The following NT5DC1 variants were observed in gnomAD, a reference collection of about 807,000 sequenced individuals.
NT5DC1 encodes the protein 5'-nucleotidase domain containing 1, also known as 5'-nucleotidase domain-containing protein 1.
NT5DC1 carries 42 observed loss-of-function variants against 59.4 expected under a neutral mutation model. The observed-to-expected ratio is 0.71, with a 90% CI of 0.55 to 0.92. The LOEUF (loss-of-function observed/expected upper bound fraction) is 0.92. Ranked by LOEUF, NT5DC1 falls within the 40% of genes least tolerant of loss-of-function variation. The probability of loss-of-function intolerance (pLI) is 0.00; values close to 1 mark genes in which losing one functional copy is unlikely to be tolerated. For missense variants in NT5DC1, 501 were observed against 537.1 expected, an observed-to-expected ratio of 0.93 and a Z score of 0.66; for synonymous variants, 172 against 188.1, an observed-to-expected ratio of 0.91 and a Z score of 0.70.
intron 6 of NT5DC1, among the ~76,000 whole-genome samples, chr6:116,216,772 C>G (rs1158428824): frequency 1.3e-5 from 2 of 152,200 alleles, no homozygotes; most frequent in East Asian, 1.9e-4. Flanking sequence ...CTTTTATCCT[C>G]CAACAAATAT....
At chr6:116,178,102 C>CGTGTGT (rs869107614) in intron 6 of NT5DC1, among the ~76,000 whole-genome samples, 12 of 94,538 alleles carry the variant, frequency 1.3e-4, no homozygotes, top group African/African-American at 6.3e-4. Context: ...CGCGCGCGCG[C>CGTGTGT]GTGCGTGCGT....
At chr6:116,142,460 G>A (rs1020526894) in intron 6 of NT5DC1, among the ~76,000 whole-genome samples, 3 of 151,840 alleles carry the variant, frequency 2.0e-5, no homozygotes, top group Admixed American at 1.3e-4. Context: ...TTAAACTCAT[G>A]TTTCACTCCT....
chr6:116,217,623 A>C (rs545324016), intron 6 of NT5DC1, among the ~76,000 whole-genome samples: 1 of 152,212 alleles, frequency 6.6e-6, no homozygotes, highest in East Asian at 1.9e-4. Context: ...CATGAATAAT[A>C]TTATTTTTAT....
At chr6:116,201,631 ATTAT>A (rs1781348723) in intron 6 of NT5DC1, among the ~76,000 whole-genome samples, 1 of 151,960 alleles carries the variant, frequency 6.6e-6, no homozygotes, top group Non-Finnish European at 1.5e-5. Context: ...TGTGCTTACT[ATTAT>A]TTAGGCTTGT....
intron 6 of NT5DC1, among the ~76,000 whole-genome samples, chr6:116,178,057 G>GTGTT (rs1428000296): frequency 1.4e-5 from 1 of 71,740 alleles, no homozygotes; most frequent in Non-Finnish European, 2.5e-5. Flanking sequence ...AGGAAAGTGT[G>GTGTT]TGTGTGTGTG....
chr6:116,122,303 A>G (rs1378922474), intron 6 of NT5DC1, among the ~76,000 whole-genome samples: 1 of 152,186 alleles, frequency 6.6e-6, no homozygotes, highest in Admixed American at 6.5e-5. Context: ...AAAAGGCAGA[A>G]AAAGACAGTG....
chr6:116,172,416 G>C (rs1362535092), intron 6 of NT5DC1, among the ~76,000 whole-genome samples: 1 of 150,378 alleles, frequency 6.6e-6, no homozygotes, highest in Non-Finnish European at 1.5e-5. Context: ...CTACCTCCCG[G>C]GTTCAGGCAA....
At position 116,247,048 on chromosome 6, in the gene NT5DC1, G is replaced by A. The variant is rs1363010594; in HGVS notation, c.*3024G>A. 1 of 152,154 alleles carries A rather than the reference G, an allele frequency of 6.6e-6. No homozygotes were observed. Among genetic ancestry groups the A allele is most frequent in the African/African-American group, 2.4e-5 (1 of 41,446 alleles). The allele number at this position is 152,154 out of a possible 1,614,324, so 9.4% of individuals were successfully genotyped here. A position where few individuals can be genotyped will look rare whatever the true frequency, so the allele number is the denominator to read the frequency against. On this transcript the variant is annotated 3_prime_UTR_variant, in exon 12 of 12. Transcript: ENST00000319550. Reference sequence around the variant, plus strand: ...AGAGATTAAATACAATGCTTGCTCTGTGTTACACTGTTAGTAAGAGAGCAA... The same window carrying A: ...AGAGATTAAATACAATGCTTGCTCTATGTTACACTGTTAGTAAGAGAGCAA...
intron 3 of NT5DC1, 103 bp downstream of exon 3, chr6:116,108,538 A>C (rs1778809461): frequency 1.4e-6 from 1 of 699,612 alleles, no homozygotes. Flanking sequence ...TGATTATTTT[A>C]ATTAATCAGA....
At chr6:116,197,229 T>C (rs1781251842) in intron 6 of NT5DC1, among the ~76,000 whole-genome samples, 1 of 152,000 alleles carries the variant, frequency 6.6e-6, no homozygotes, top group Admixed American at 6.6e-5. Context: ...CTGCTTTGCC[T>C]GGTTAATGAT....
intron 6 of NT5DC1, among the ~76,000 whole-genome samples, chr6:116,163,141 A>AAAAAAAAAATATATATATATATAT (rs761718922): frequency 1.1e-5 from 1 of 88,408 alleles, no homozygotes; most frequent in African/African-American, 5.8e-5. Context: ...AAAAAAAAAA[A>AAAAAAAAAATATATATATATATAT]ATATATATAT....
chr6:116,203,117 G>A (rs1281896545), intron 6 of NT5DC1, among the ~76,000 whole-genome samples: 4 of 151,902 alleles, frequency 2.6e-5, no homozygotes, highest in Non-Finnish European at 5.9e-5. Flanking sequence ...GTCACTTAAT[G>A]CAAATTTGAA....
In NT5DC1 at chr6:116,248,570, C is replaced by G. The variant is rs1020354258; in HGVS notation, c.*4546C>G. On this transcript the variant is annotated 3_prime_UTR_variant, in exon 12 of 12. Coordinates refer to ENST00000319550, the MANE Select transcript of NT5DC1 (RefSeq NM_152729.3). ...GGGCCTGATGAGAAGGTCAGAGAAG[C>G]CTTTTATAAGTGTCTGGCTTGCACT... 3.3e-5 allele frequency: 5 copies of G among 152,274 alleles called. No homozygotes were observed. Among genetic ancestry groups the G allele is most frequent in the African/African-American group, 1.2e-4 (5 of 41,532 alleles). 9.4% of individuals were successfully genotyped at this position (152,274 alleles called of 1,614,324 possible).
intron 6 of NT5DC1, among the ~76,000 whole-genome samples, chr6:116,168,195 G>T: frequency 6.8e-6 from 1 of 148,148 alleles, no homozygotes; most frequent in South Asian, 2.1e-4. Context: ...ATATTGTTCT[G>T]CTCCTTTTCT....
intron 11 of NT5DC1, among the ~76,000 whole-genome samples, chr6:116,239,691 A>G (rs1782187058): frequency 6.6e-6 from 1 of 152,240 alleles, no homozygotes; most frequent in South Asian, 2.1e-4. Flanking sequence ...GAGATTTCAG[A>G]TTATTAGTGC....
At chr6:116,230,902 G>A (rs1015672017) in intron 8 of NT5DC1, among the ~76,000 whole-genome samples, 7 of 151,950 alleles carry the variant, frequency 4.6e-5, no homozygotes, top group African/African-American at 7.3e-5. Context: ...CCGAATGAAG[G>A]AGGCTGAATC....
rs553054142 is a variant in NT5DC1 at position 116,245,060 on chromosome 6, C to T, written c.*1036C>T. 4.6e-5 allele frequency: 7 copies of T among 152,038 alleles called. No homozygotes were observed. The highest frequency in any genetic ancestry group is 1.0e-4 in the Non-Finnish European group (7 of 67,986). 9.4% of individuals were successfully genotyped at this position (152,038 alleles called of 1,614,324 possible). ...ATTTAATGTAATTTGAATTTAATTT[C>T]TGTAATTGGGAAGGAGGGTAATAAT... is the stretch of plus-strand genomic sequence containing the variant. On this transcript the variant is annotated 3_prime_UTR_variant, in exon 12 of 12. Coordinates refer to ENST00000319550, the MANE Select transcript of NT5DC1 (RefSeq NM_152729.3).
intron 6 of NT5DC1, among the ~76,000 whole-genome samples, chr6:116,194,872 T>C (rs1024316722): frequency 6.6e-6 from 1 of 152,072 alleles, no homozygotes; most frequent in Non-Finnish European, 1.5e-5. Flanking sequence ...TTTTATGGTT[T>C]ACATTATTAG....
intron 6 of NT5DC1, among the ~76,000 whole-genome samples, chr6:116,124,109 A>G (rs370965799): frequency 1.5e-4 from 23 of 152,212 alleles, no homozygotes; most frequent in African/African-American, 5.3e-4. Context: ...TATCTGTTGT[A>G]TACCTGTGCA....
Sources: gnomAD v4.1 joint callset for allele counts (sites outside exome capture counted in the v4.1 genomes callset) on GRCh38, gnomAD v4.1.1 for gene constraint, MANE v1.5 for transcripts, NCBI Gene and HGNC (gene_info 2026-07-23, HGNC 2026-07-21) for gene names.